WWOX: variants seen among roughly 807,000 people sequenced by gnomAD.
WWOX encodes WW domain containing oxidoreductase.
In WWOX, 69 loss-of-function variants were observed where a neutral mutation model predicts 46.2. The observed-to-expected ratio is 1.49, with a 90% confidence interval of 1.23 to 1.82. The LOEUF (loss-of-function observed/expected upper bound fraction) is 1.82. Among genes scored for constraint, WWOX ranks in the 40% most tolerant of loss-of-function variants. The probability of loss-of-function intolerance (pLI) is 0.00; values close to 1 mark genes in which losing one functional copy is unlikely to be tolerated. For missense variants in WWOX, 919 were observed against 542.6 expected, an observed-to-expected ratio of 1.69 and a Z score of -6.89; for synonymous variants, 359 against 202.6, an observed-to-expected ratio of 1.77 and a Z score of -6.56.
At chr16:78,292,372 A>G (rs1195582185) in intron 5 of WWOX, among the ~76,000 whole-genome samples, 2 of 152,210 alleles carry the variant, frequency 1.3e-5, no homozygotes, top group Admixed American at 6.5e-5. Flanking sequence ...ACAACTGAAC[A>G]CATTTTATGA....
Position 78,668,664 on chromosome 16 carries a change from T to C in WWOX, c.1056+235912T>C, listed in dbSNP as rs537570008. 2.0e-5 allele frequency among the ~76,000 whole-genome samples: 3 copies of C among 152,204 alleles called. No individual in the cohort carries two copies. The South Asian group carries it at 6.2e-4, about 32-fold the overall frequency. ...GGGGTGAGGATAAGAAGGAGGAAGCTTTACCCCTGAGAAGAGCAGGCATCA... is the reference window on the plus strand; with the variant it reads ...GGGGTGAGGATAAGAAGGAGGAAGCCTTACCCCTGAGAAGAGCAGGCATCA... On this transcript the variant is annotated intron_variant, in intron 8 of 8. Coordinates refer to ENST00000566780, the MANE Select transcript of WWOX (RefSeq NM_016373.4).
At chr16:78,712,361 G>A (rs972966425) in intron 8 of WWOX, among the ~76,000 whole-genome samples, 1 of 152,094 alleles carries the variant, frequency 6.6e-6, no homozygotes, top group Admixed American at 6.5e-5. Context: ...AATTAGCTGG[G>A]CATAGTGTTG....
chr16:78,108,534 A>G, intron 2 of WWOX, 47 bp downstream of exon 2: 1 of 1,602,352 alleles, frequency 6.2e-7, no homozygotes, highest in South Asian at 1.1e-5. Context: ...CATTAAGTAG[A>G]TGAGGAAATG....
intron 4 of WWOX, among the ~76,000 whole-genome samples, chr16:78,127,744 A>C (rs2033421668): frequency 6.6e-6 from 1 of 152,186 alleles, no homozygotes; most frequent in Non-Finnish European, 1.5e-5. Context: ...AGAAATGCTC[A>C]ACTTTGCTGT....
intron 4 of WWOX, among the ~76,000 whole-genome samples, chr16:78,150,372 TTTG>T (rs1350896405): frequency 1.3e-5 from 2 of 152,038 alleles, no homozygotes; most frequent in African/African-American, 4.8e-5. Flanking sequence ...CGTTTAGGTT[TTTG>T]TTGTTGTTGT....
intron 8 of WWOX, among the ~76,000 whole-genome samples, chr16:78,598,196 A>G (rs2045535718): frequency 6.6e-6 from 1 of 152,230 alleles, no homozygotes; most frequent in Admixed American, 6.5e-5. Context: ...ATTCTCAAGA[A>G]GAAATGACCA....
Position 78,424,981 on chromosome 16 carries a change from T to A in WWOX, c.717T>A (p.Leu239=), listed in dbSNP as rs368070977. The change falls in exon 7 of 9, where the codon CTT becomes CTA. Residue 239 remains leucine, a synonymous_variant. Transcript: ENST00000566780. ...FQVNHLGHFY[L]VQLLQDVLCR... is the part of the protein sequence containing the mutation. ...TGAATCATCTGGGGCACTTCTACCT[T>A]GTCCAGCTCCTCCAGGATGTTTTGT... 6.2e-7 allele frequency: 1 copy of A among 1,614,082 alleles called. No homozygotes were observed. Among genetic ancestry groups the A allele is most frequent in the African/African-American group, 1.3e-5 (1 of 74,930 alleles).
intron 5 of WWOX, among the ~76,000 whole-genome samples, chr16:78,204,356 C>T (rs1301752181): frequency 2.0e-5 from 3 of 152,246 alleles, no homozygotes; most frequent in East Asian, 1.9e-4. Flanking sequence ...GAAATAATCA[C>T]ATATGAAGAA....
chr16:78,944,660 C>G (rs75229255), intron 8 of WWOX, among the ~76,000 whole-genome samples: 1 of 152,066 alleles, frequency 6.6e-6, no homozygotes, highest in Non-Finnish European at 1.5e-5. Flanking sequence ...ATTGCTTTTG[C>G]GGAGATTCGA....
chr16:79,107,377 C>T (rs753311663), intron 8 of WWOX, among the ~76,000 whole-genome samples: 5 of 152,160 alleles, frequency 3.3e-5, no homozygotes, highest in Admixed American at 6.5e-5. Flanking sequence ...CACGAGTCAC[C>T]GCGCCCAGCC....
At chr16:79,015,797 G>A (rs1230861927) in intron 8 of WWOX, among the ~76,000 whole-genome samples, 1 of 152,156 alleles carries the variant, frequency 6.6e-6, no homozygotes, top group Non-Finnish European at 1.5e-5. Flanking sequence ...CTGTCGCCAA[G>A]GTGGAGTGCA....
chr16:78,494,211 C>A (rs919782745), intron 8 of WWOX, among the ~76,000 whole-genome samples: 23 of 152,148 alleles, frequency 1.5e-4, no homozygotes, highest in Admixed American at 1.4e-3. Flanking sequence ...CACAAGACAG[C>A]ACTAGGGGGA....
At chr16:78,108,160 T>A (rs1814554526) in intron 1 of WWOX, among the ~76,000 whole-genome samples, 1 of 151,310 alleles carries the variant, frequency 6.6e-6, no homozygotes, top group Non-Finnish European at 1.5e-5. Flanking sequence ...TCTCCTGACC[T>A]TGTGATCTGC....
At chr16:78,587,092 C>T (rs554006048) in intron 8 of WWOX, among the ~76,000 whole-genome samples, 1 of 151,892 alleles carries the variant, frequency 6.6e-6, no homozygotes, top group South Asian at 2.1e-4. Context: ...GTGGCGTGAT[C>T]ACAGCCCACT....
At chr16:79,092,902 G>C (rs17654494) in intron 8 of WWOX, among the ~76,000 whole-genome samples, 4,298 of 152,212 alleles carry the variant, frequency 0.028, 99 homozygotes, top group Non-Finnish European at 0.046. Context: ...ACTAGATAAG[G>C]CCCATTTTCA....
At chr16:78,819,709 G>C (rs909631204) in intron 8 of WWOX, among the ~76,000 whole-genome samples, 11 of 152,144 alleles carry the variant, frequency 7.2e-5, no homozygotes, top group Admixed American at 3.3e-4. Flanking sequence ...AACCCTGTTG[G>C]CCTAAGCCGC....
At chr16:78,722,856 C>G (rs893465977) in intron 8 of WWOX, among the ~76,000 whole-genome samples, 1 of 151,774 alleles carries the variant, frequency 6.6e-6, no homozygotes, top group African/African-American at 2.4e-5. Context: ...GTCTGGGCAA[C>G]ATAATGAAAA....
chr16:78,917,830 G>C (rs576451155), intron 8 of WWOX, among the ~76,000 whole-genome samples: 1 of 152,212 alleles, frequency 6.6e-6, no homozygotes, highest in Non-Finnish European at 1.5e-5. Flanking sequence ...AAATGATACT[G>C]ACAAGGAATA....
chr16:79,015,395 G>T (rs890965826), intron 8 of WWOX, among the ~76,000 whole-genome samples: 1 of 152,116 alleles, frequency 6.6e-6, no homozygotes, highest in African/African-American at 2.4e-5. Context: ...CTTTTCCTTT[G>T]TTTGCAAAAT....
Sources: allele counts gnomAD v4.1 joint callset (sites outside exome capture counted in the v4.1 genomes callset), GRCh38; gene constraint gnomAD v4.1.1; transcripts MANE v1.5; gene names NCBI Gene and HGNC (gene_info 2026-07-23, HGNC 2026-07-21).